DGKH: variants seen among roughly 807,000 people sequenced by gnomAD.
The protein encoded by DGKH is diacylglycerol kinase eta, also known as DAG kinase eta.
A neutral mutation model predicts 159.3 loss-of-function variants in DGKH; 90 were observed. The observed-to-expected ratio is 0.57, with a 90% CI of 0.48 to 0.67. The LOEUF is 0.67. Ranked by LOEUF, DGKH falls within the 30% of genes least tolerant of loss-of-function variation. The pLI, the probability that DGKH is intolerant of heterozygous loss-of-function variation, is 0.00. For synonymous variants in DGKH, 536 were observed against 553.8 expected, an observed-to-expected ratio of 0.97 and a Z score of 0.45; for missense variants, 1,181 against 1,506.1, an observed-to-expected ratio of 0.78 and a Z score of 3.57.
chr13:42,219,748 GT>G lies in DGKH; in HGVS notation c.3399del (p.Phe1133LeufsTer69). On this transcript the variant is annotated frameshift_variant, in exon 28 of 30. Coordinates refer to ENST00000337343, the MANE Select transcript of DGKH (RefSeq NM_178009.5). LOFTEE classifies it high-confidence loss of function. ...RSTVFRIVPK[F>X]KKEKVQKQKT... ...GCACCGTATTTCGAATAGTGCCAAA[GT>G]TTAAAAAGGAAAAGGTTCAGAAGCA... The G allele has an allele frequency of 1.2e-6, 2 of 1,613,712 alleles. No homozygotes were observed. Among genetic ancestry groups the G allele is most frequent in the Non-Finnish European group, 1.7e-6 (2 of 1,179,792 alleles).
At chr13:42,089,944 C>T (rs900860430) in intron 1 of DGKH, among the ~76,000 whole-genome samples, 54 of 151,822 alleles carry the variant, frequency 3.6e-4, no homozygotes, top group African/African-American at 1.2e-3. Context: ...AGAAAAAAAA[C>T]AAACCCCAGA....
At position 42,238,222 on chromosome 13, in the gene DGKH, G is replaced by A. The variant is rs111831778; in HGVS notation, c.*9034G>A. 57 of 152,176 alleles carry A rather than the reference G, an allele frequency of 3.7e-4. No homozygotes were observed. The highest frequency in any genetic ancestry group is 6.6e-4 in the Non-Finnish European group (45 of 68,018). The allele number at this position is 152,176 out of a possible 1,614,324, so 9.4% of individuals were successfully genotyped here. A position where few individuals can be genotyped will look rare whatever the true frequency, so the allele number is the denominator to read the frequency against. On this transcript the variant is annotated 3_prime_UTR_variant, in exon 30 of 30. Transcript: ENST00000337343. ...TTCCCACGGTCATTTTGGATATAAA[G>A]ATAGACTTCCCAGACAGTGAGGTTA... is the stretch of plus-strand genomic sequence containing the variant.
intron 29 of DGKH, among the ~76,000 whole-genome samples, chr13:42,250,862 C>T (rs1033762479): frequency 3.9e-5 from 6 of 152,156 alleles, no homozygotes; most frequent in African/African-American, 7.2e-5. Flanking sequence ...TAATATGTAG[C>T]ACTCTAATTA....
chr13:42,190,032 G>A (rs551438496), intron 15 of DGKH, among the ~76,000 whole-genome samples: 7 of 152,170 alleles, frequency 4.6e-5, no homozygotes, highest in African/African-American at 1.4e-4. Context: ...GCTTATAAAA[G>A]CTCTGCCTTG....
At chr13:42,132,133 T>C (rs1955302004) in intron 3 of DGKH, among the ~76,000 whole-genome samples, 2 of 152,342 alleles carry the variant, frequency 1.3e-5, no homozygotes, top group South Asian at 4.1e-4. Context: ...TGTTTTTTAA[T>C]GCTTTTTATT....
intron 1 of DGKH, among the ~76,000 whole-genome samples, chr13:42,061,452 C>T (rs1293927002): frequency 3.3e-5 from 5 of 152,190 alleles, no homozygotes; most frequent in South Asian, 2.1e-4. Context: ...GACTCCCATA[C>T]TCTTGCTATC....
Position 42,157,487 on chromosome 13 carries a change from A to G in DGKH, c.622+1688A>G, listed in dbSNP as rs114990983. Among the ~76,000 whole-genome samples, 465 of 152,320 alleles carry G rather than the reference A, an allele frequency of 3.1e-3. 2 individuals are homozygous for G. Among genetic ancestry groups the G allele is most frequent in the African/African-American group, 0.011 (453 of 41,580 alleles). ...GAGAATAAGAAACTTAAAAGTCTTT[A>G]AATAAATTTGTTATATTCGGCCGGG... On this transcript the variant is annotated intron_variant, in intron 5 of 29. Transcript: ENST00000337343.
At chr13:42,133,797 G>T (rs1212561150) in intron 3 of DGKH, among the ~76,000 whole-genome samples, 1 of 152,192 alleles carries the variant, frequency 6.6e-6, no homozygotes, top group Non-Finnish European at 1.5e-5. Flanking sequence ...TAGAGCAAAT[G>T]AATTTGGTAG....
At chr13:42,124,265 C>T (rs1955128391) in intron 1 of DGKH, among the ~76,000 whole-genome samples, 1 of 151,480 alleles carries the variant, frequency 6.6e-6, no homozygotes, top group South Asian at 2.1e-4. Flanking sequence ...GTAGCTAATA[C>T]TGATACGCAC....
chr13:42,212,685 A>G (rs1450359024), intron 24 of DGKH, among the ~76,000 whole-genome samples: 2 of 152,234 alleles, frequency 1.3e-5, no homozygotes, highest in African/African-American at 4.8e-5. Context: ...TTCATTGACT[A>G]TGCAAACATA....
At chr13:42,188,387 T>A (rs1594171942) in intron 14 of DGKH, among the ~76,000 whole-genome samples, 1 of 152,206 alleles carries the variant, frequency 6.6e-6, no homozygotes, top group East Asian at 1.9e-4. Flanking sequence ...TGTATCCCTC[T>A]TCTTTTCCCT....
chr13:42,225,987 G>T lies in DGKH; in HGVS notation c.3574-3112G>T, dbSNP rs569958799. Among the ~76,000 whole-genome samples, 33 of 152,006 alleles carry T rather than the reference G, an allele frequency of 2.2e-4. 1 individual carries two copies. The East Asian group carries it at 5.2e-3, about 24-fold the overall frequency. On this transcript the variant is annotated intron_variant, in intron 29 of 29. Coordinates refer to ENST00000337343, the MANE Select transcript of DGKH (RefSeq NM_178009.5). ...ACTAAAGAGCTTCTGCACAGCAAAAGAAACTATAATCAGAGCGAACAGACA... is the reference window on the plus strand; with the variant it reads ...ACTAAAGAGCTTCTGCACAGCAAAATAAACTATAATCAGAGCGAACAGACA...
chr13:42,155,896 A>C (rs1411978376), intron 5 of DGKH, 97 bp downstream of exon 5: 1 of 1,401,586 alleles, frequency 7.1e-7, no homozygotes, highest in Non-Finnish European at 9.8e-7. Flanking sequence ...AGCTCTCCAC[A>C]CATAGGACTA....
downstream of DGKH, among the ~76,000 whole-genome samples, chr13:42,245,593 G>T (rs1436347666): frequency 6.7e-6 from 1 of 148,452 alleles, no homozygotes; most frequent in Admixed American, 6.7e-5. Flanking sequence ...CAATACTTTT[G>T]TTTTTTTTTT....
chr13:42,173,340 T>C (rs1241210745), intron 11 of DGKH, among the ~76,000 whole-genome samples: 1 of 152,252 alleles, frequency 6.6e-6, no homozygotes, highest in Non-Finnish European at 1.5e-5. Context: ...TTGAAATTAC[T>C]ATTTTGGATA....
At chr13:42,076,779 A>G (rs1197604372) in intron 1 of DGKH, among the ~76,000 whole-genome samples, 1 of 152,170 alleles carries the variant, frequency 6.6e-6, no homozygotes, top group African/African-American at 2.4e-5. Context: ...TTTTCTTTCT[A>G]CAGATGTGAC....
intron 3 of DGKH, among the ~76,000 whole-genome samples, chr13:42,141,090 C>A (rs961757950): frequency 7.6e-6 from 1 of 132,064 alleles, no homozygotes; most frequent in African/African-American, 2.9e-5. Context: ...GCGTGATGTT[C>A]CCCTTCCTGT....
At chr13:42,150,663 A>G (rs999930177) in intron 3 of DGKH, among the ~76,000 whole-genome samples, 28 of 152,234 alleles carry the variant, frequency 1.8e-4, no homozygotes, top group Non-Finnish European at 3.7e-4. Context: ...AACCATAGAT[A>G]TTAATTGATA....
intron 1 of DGKH, among the ~76,000 whole-genome samples, chr13:42,103,039 C>A (rs909048288): frequency 6.6e-6 from 1 of 152,180 alleles, no homozygotes; most frequent in African/African-American, 2.4e-5. Flanking sequence ...TGAAGAGAAG[C>A]AGCAGGAATT....
Sources: gnomAD v4.1 joint callset for allele counts (sites outside exome capture counted in the v4.1 genomes callset) on GRCh38, gnomAD v4.1.1 for gene constraint, MANE v1.5 for transcripts, NCBI Gene and HGNC (gene_info 2026-07-23, HGNC 2026-07-21) for gene names.